NUMBL: variants seen among roughly 807,000 people sequenced by gnomAD.
NUMBL encodes the protein NUMB like endocytic adaptor protein.
In NUMBL, 20 loss-of-function variants were observed where a neutral mutation model predicts 48.9. The ratio of observed to expected loss-of-function variants is 0.41; its 90% CI spans 0.29 to 0.59. The LOEUF is 0.59. Ranked by LOEUF, NUMBL falls within the 20% of genes least tolerant of loss-of-function variation. The pLI, the probability that NUMBL is intolerant of heterozygous loss-of-function variation, is 0.31. For missense variants in NUMBL, 660 were observed against 846.2 expected (o/e 0.78, Z 2.73); for synonymous variants, 340 against 348.7 (o/e 0.98, Z 0.28).
At position 40,667,627 on chromosome 19, in the gene NUMBL, G is replaced by A; in HGVS notation, c.1671C>T (p.Pro557=). The A allele has an allele frequency of 6.4e-6, 10 of 1,555,366 alleles. No homozygotes were observed. The highest frequency in any genetic ancestry group is 7.8e-6 in the Non-Finnish European group (9 of 1,149,616). Residue 557 remains proline, a synonymous_variant, in exon 10 of 10, where the codon CCC becomes CCT. Transcript: ENST00000252891. The surrounding 1 kb of genome is among the most constrained non-coding windows in gnomAD (Gnocchi z 6.1). ...SAPGSQARPR[P]NGAPWPPEPA... is the part of the protein sequence containing the mutation. Reference sequence around the variant, plus strand: ...GCTCAGGGGGCCAGGGGGCCCCATTGGGGCGAGGGCGGGCCTGGCTCCCAG... The same window carrying A: ...GCTCAGGGGGCCAGGGGGCCCCATTAGGGCGAGGGCGGGCCTGGCTCCCAG...
chr19:40,676,741 A>G (rs998739347), intron 7 of NUMBL, among the ~76,000 whole-genome samples: 9 of 152,042 alleles, frequency 5.9e-5, no homozygotes, highest in African/African-American at 2.2e-4. Context: ...AAAGCCCCGA[A>G]TTGGTGGATA....
At chr19:40,686,773 G>A (rs887910293) in intron 2 of NUMBL, 138 bp downstream of exon 2, 26 of 636,136 alleles carry the variant, frequency 4.1e-5, no homozygotes, top group Non-Finnish European at 7.0e-5. Flanking sequence ...GGCTCTGACA[G>A]TCGCTGAGGA....
rs1303610910 is a variant in NUMBL at position 40,687,240 on chromosome 19, A to T, written c.25-245T>A. The stretch of plus-strand genomic sequence containing the variant: ...GGCCTCAGGAGAGCCTCACTGCCCA[A>T]GGGGATGCTGTGAGAGTGGCCTTGC... On this transcript the variant is annotated intron_variant, in intron 1 of 9. Coordinates refer to ENST00000252891, the MANE Select transcript of NUMBL (RefSeq NM_004756.5). This position sits in a 1 kb window ranked among gnomAD's most constrained non-coding sequence, Gnocchi z 4.6. 6.6e-6 allele frequency among the ~76,000 whole-genome samples: 1 copy of T among 152,174 alleles called. No homozygotes were observed. Among genetic ancestry groups the T allele is most frequent in the Non-Finnish European group, 1.5e-5 (1 of 68,016 alleles).
intron 8 of NUMBL, among the ~76,000 whole-genome samples, chr19:40,671,976 T>C (rs931182893): frequency 6.6e-6 from 1 of 152,118 alleles, no homozygotes; most frequent in African/African-American, 2.4e-5. Flanking sequence ...GCTGAAGCAA[T>C]TCTCCTTCCT....
At chr19:40,684,658 A>AGATAACT in intron 2 of NUMBL, 102 bp from the exon 3 acceptor site, 2 of 1,435,844 alleles carry the variant, frequency 1.4e-6, no homozygotes, top group African/African-American at 1.4e-5. Flanking sequence ...TCAGATAACA[A>AGATAACT]GATAACTGGA....
rs2081804515 is a variant in NUMBL at position 40,666,113 on chromosome 19, T to A, written c.*1355A>T. On this transcript the variant is annotated 3_prime_UTR_variant, in exon 10 of 10. Transcript: ENST00000252891. ...CTGTTACCAACCCAACTTGTTAAAA[T>A]ATTAATATTGAGCTAATTAGAAGTA... The A allele has an allele frequency of 6.6e-6, 1 of 150,832 alleles. No homozygotes were observed. Among genetic ancestry groups the A allele is most frequent in the African/African-American group, 2.4e-5 (1 of 41,030 alleles). 9.3% of individuals were successfully genotyped at this position (150,832 alleles called of 1,614,324 possible).
Position 40,667,807 on chromosome 19 carries a change from C to A in NUMBL, c.1491G>T (p.Leu497Phe). 6.3e-7 allele frequency: 1 copy of A among 1,584,590 alleles called. No homozygotes were observed. The highest frequency in any genetic ancestry group is 8.6e-7 in the Non-Finnish European group (1 of 1,165,904). The change falls in exon 10 of 10, where the codon TTG becomes TTT. Residue 497 changes from leucine (L) to phenylalanine (F), a missense_variant. This residue lies in a region of NUMBL where 296 missense variants were observed against 339.7 expected (regional missense o/e 0.87). Transcript: ENST00000252891. The surrounding 1 kb of genome is among the most constrained non-coding windows in gnomAD (Gnocchi z 6.1). ...QPPFVPAYPG[L>F]GYPPMPRVPV... ...GCACCCGGGGCATCGGTGGGTAGCC[C>A]AAGCCCGGGTAGGCGGGCACAAAAG...
rs2081944700 is a variant in NUMBL at position 40,688,295 on chromosome 19, A to G, written c.25-1300T>C. On this transcript the variant is annotated intron_variant, in intron 1 of 9. Coordinates refer to ENST00000252891, the MANE Select transcript of NUMBL (RefSeq NM_004756.5). This position sits in a 1 kb window ranked among gnomAD's most constrained non-coding sequence, Gnocchi z 4.6. ...ACAGACAAGTATGTGGCCATATAGA[A>G]TCACAGCCCCGTGTGGACAGGTGCA... Among the ~76,000 whole-genome samples, 1 of 152,228 alleles carries G rather than the reference A, an allele frequency of 6.6e-6. No homozygotes were observed. The highest frequency in any genetic ancestry group is 2.4e-5 in the African/African-American group (1 of 41,442).
intron 8 of NUMBL, among the ~76,000 whole-genome samples, chr19:40,672,568 C>A (rs1324446981): frequency 1.3e-5 from 2 of 152,244 alleles, no homozygotes; most frequent in African/African-American, 4.8e-5. Flanking sequence ...CCCTGCATGT[C>A]ATGTTTCTAC....
chr19:40,677,496 G>A, intron 6 of NUMBL, 75 bp from the exon 7 acceptor site: 1 of 1,396,048 alleles, frequency 7.2e-7, no homozygotes, highest in Non-Finnish European at 9.7e-7. Context: ...CTGGGTTATA[G>A]CCGCTAGGTA....
Position 40,667,360 on chromosome 19 carries a change from AG to A in NUMBL, c.*107del. 6.9e-7 allele frequency: 1 copy of A among 1,444,198 alleles called. No homozygotes were observed. Among genetic ancestry groups the A allele is most frequent in the Non-Finnish European group, 9.2e-7 (1 of 1,086,266 alleles). 89.5% of individuals were successfully genotyped at this position (1,444,198 alleles called of 1,614,324 possible). ...GTGGTTGAGGGAGGGGGGTGTTGAG[AG>A]GGTGTTGAGGGGCGCAGCCCCAGGG... is the stretch of plus-strand genomic sequence containing the variant. On this transcript the variant is annotated 3_prime_UTR_variant, in exon 10 of 10. Coordinates refer to ENST00000252891, the MANE Select transcript of NUMBL (RefSeq NM_004756.5). This position sits in a 1 kb window ranked among gnomAD's most constrained non-coding sequence, Gnocchi z 6.1.
intron 7 of NUMBL, 102 bp downstream of exon 7, chr19:40,677,128 CTT>C (rs1381220734): frequency 7.8e-7 from 1 of 1,274,204 alleles, no homozygotes; most frequent in African/African-American, 1.5e-5. Flanking sequence ...GCATCCCCTA[CTT>C]TGTAAACTGT....
chr19:40,684,502 G>T lies in NUMBL; in HGVS notation c.164C>A (p.Ala55Asp). The change falls in exon 3 of 10, where the codon GCC (alanine) becomes GAC (aspartate). Residue 55 changes from alanine to aspartate, a missense_variant. By Grantham distance (126) the Ala-to-Asp change is moderately radical. Around this residue, in one of 3 missense-constraint regions of NUMBL, gnomAD observed 86 missense variants for 85.9 expected, o/e 1.00. Coordinates refer to ENST00000252891, the MANE Select transcript of NUMBL (RefSeq NM_004756.5). ...CGGGCGCGACGCCTCGGGCACGTAG[G>T]CTGGCTTCCTCCGCCGCAGGCTCTG... ...LRQSLRRRKP[A>D]YVPEASRPHQ... 6.2e-7 allele frequency: 1 copy of T among 1,604,142 alleles called. No homozygotes were observed.
chr19:40,680,314 C>CT (rs1339975908), intron 6 of NUMBL, among the ~76,000 whole-genome samples: 3 of 151,928 alleles, frequency 2.0e-5, no homozygotes, highest in African/African-American at 4.8e-5. Flanking sequence ...TGCCTGTCTA[C>CT]TTTTTTTGTA....
chr19:40,673,475 C>A lies in NUMBL; in HGVS notation c.905G>T (p.Arg302Leu). Residue 302 changes from arginine to leucine, a missense_variant, in exon 8 of 10, where the codon CGC becomes CTC. Physicochemically the swap from Arg to Leu is moderately radical, Grantham distance 102. This residue lies in a region of NUMBL where 278 missense variants were observed against 420.6 expected (regional missense o/e 0.66). Transcript: ENST00000252891. The surrounding 1 kb of genome is among the most constrained non-coding windows in gnomAD (Gnocchi z 5.9). ...RRHAPLEQLV[R>L]QGSFRGFPAL... ...TGGGAACCCACGGAAGGAGCCCTGG[C>A]GAACCAGCTGCTCCAGGGGTGCATG... The A allele has an allele frequency of 6.2e-7, 1 of 1,600,872 alleles. No individual in the cohort carries two copies. The highest frequency in any genetic ancestry group is 8.5e-7 in the Non-Finnish European group (1 of 1,173,982).
At chr19:40,669,868 G>T (rs768996083) in intron 9 of NUMBL, 30 bp downstream of exon 9, 3 of 1,608,074 alleles carry the variant, frequency 1.9e-6, no homozygotes, top group Non-Finnish European at 2.5e-6. Context: ...GACATGCAGG[G>T]TGTCTGCCCA....
At chr19:40,681,633 G>A (rs2081905693) in intron 5 of NUMBL, among the ~76,000 whole-genome samples, 1 of 152,052 alleles carries the variant, frequency 6.6e-6, no homozygotes, top group Non-Finnish European at 1.5e-5. Context: ...AACATTCATT[G>A]ATCTGAGCAG....
rs1465423052 is a variant in NUMBL, at chr19:40,687,505, A to G, written c.25-510T>C. 6.6e-6 allele frequency among the ~76,000 whole-genome samples: 1 copy of G among 152,200 alleles called. No homozygotes were observed. Among genetic ancestry groups the G allele is most frequent in the African/African-American group, 2.4e-5 (1 of 41,442 alleles). ...CTACTACAGACATTTGTCCACATAC[A>G]TGCAGCATGTCCTGGCCCACTCAGT... is the stretch of plus-strand genomic sequence containing the variant. On this transcript the variant is annotated intron_variant, in intron 1 of 9. Transcript: ENST00000252891. This position sits in a 1 kb window ranked among gnomAD's most constrained non-coding sequence, Gnocchi z 4.6.
chr19:40,676,673 CAG>C (rs1249255664), intron 7 of NUMBL, among the ~76,000 whole-genome samples: 1 of 134,766 alleles, frequency 7.4e-6, no homozygotes, highest in African/African-American at 2.8e-5. Context: ...GCCTGGTTGA[CAG>C]AGCGAGACTC....
Sources: gnomAD v4.1 joint callset for allele counts (sites outside exome capture counted in the v4.1 genomes callset) on GRCh38, gnomAD v4.1.1 for gene constraint, gnomAD v4.1.1 regional missense constraint, Gnocchi (gnomAD v3.1) non-coding constraint, MANE v1.5 for transcripts, NCBI Gene and HGNC (gene_info 2026-07-23, HGNC 2026-07-21) for gene names.